SLC25A21: variants seen among roughly 807,000 people sequenced by gnomAD.
SLC25A21 encodes the protein solute carrier family 25 member 21.
A neutral mutation model predicts 43.8 loss-of-function variants in SLC25A21; 47 were observed. The observed-to-expected ratio is 1.07, with a 90% confidence interval of 0.85 to 1.37. The LOEUF (loss-of-function observed/expected upper bound fraction) is 1.37. Among genes scored for constraint, SLC25A21 ranks in the 40% most tolerant of loss-of-function variants. The pLI is 0.00. For synonymous variants in SLC25A21, 131 were observed against 121.3 expected, an observed-to-expected ratio of 1.08 and a Z score of -0.52; for missense variants, 352 against 350.2, an observed-to-expected ratio of 1.00 and a Z score of -0.04.
At chr14:36,695,592 A>C (rs1447557717) in intron 7 of SLC25A21, among the ~76,000 whole-genome samples, 1 of 152,100 alleles carries the variant, frequency 6.6e-6, no homozygotes, top group Non-Finnish European at 1.5e-5. Flanking sequence ...TTCCTTGGGC[A>C]GTGGTTTGTA....
chr14:37,030,890 G>A (rs1961196703), intron 1 of SLC25A21, among the ~76,000 whole-genome samples: 1 of 152,096 alleles, frequency 6.6e-6, no homozygotes, highest in Non-Finnish European at 1.5e-5. Flanking sequence ...GGTGGCCCAA[G>A]GAATCAACCC....
chr14:36,792,887 A>C (rs973335575), intron 3 of SLC25A21, among the ~76,000 whole-genome samples: 2 of 152,058 alleles, frequency 1.3e-5, no homozygotes, highest in Non-Finnish European at 1.5e-5. Flanking sequence ...AGAAAAAATC[A>C]TTTTACAATG....
chr14:37,101,170 A>C (rs1290021354), intron 1 of SLC25A21, among the ~76,000 whole-genome samples: 3 of 152,250 alleles, frequency 2.0e-5, no homozygotes, highest in Non-Finnish European at 4.4e-5. Flanking sequence ...AAACACAATT[A>C]TTAGTTGAGC....
intron 5 of SLC25A21, among the ~76,000 whole-genome samples, chr14:36,727,269 A>G (rs534825011): frequency 6.6e-6 from 1 of 152,240 alleles, no homozygotes; most frequent in Non-Finnish European, 1.5e-5. Context: ...CAGTTTTCTC[A>G]TCTGTAAAAT....
At chr14:37,146,490 G>A (rs1410705571) in intron 1 of SLC25A21, among the ~76,000 whole-genome samples, 1 of 152,124 alleles carries the variant, frequency 6.6e-6, no homozygotes, top group Non-Finnish European at 1.5e-5. Context: ...CAAGAGATCC[G>A]CCTGACTTGG....
At chr14:37,103,475 A>T (rs1299504398) in intron 1 of SLC25A21, among the ~76,000 whole-genome samples, 1 of 152,208 alleles carries the variant, frequency 6.6e-6, no homozygotes, top group African/African-American at 2.4e-5. Flanking sequence ...GCTTTGTATA[A>T]ATGTTACTTC....
In SLC25A21 at chr14:37,125,929, A is replaced by G. The variant is rs983403461; in HGVS notation, c.70+46352T>C. ...ACATTCCTTGCTCATATAAATTAGA[A>G]ACAATTATGCTTTCCACCTGTAGTT... On this transcript the variant is annotated intron_variant, in intron 1 of 9. Transcript: ENST00000331299. Among the ~76,000 whole-genome samples the G allele has an allele frequency of 7.2e-5, 11 of 152,194 alleles. No individual in the cohort carries two copies. The South Asian group carries it at 2.3e-3, about 31-fold the overall frequency.
At chr14:37,121,287 A>G (rs1275623676) in intron 1 of SLC25A21, among the ~76,000 whole-genome samples, 1 of 152,148 alleles carries the variant, frequency 6.6e-6, no homozygotes, top group African/African-American at 2.4e-5. Flanking sequence ...CGATTACATG[A>G]CAGGGCACGA....
At chr14:36,952,034 G>A (rs144744865) in intron 1 of SLC25A21, among the ~76,000 whole-genome samples, 21 of 152,140 alleles carry the variant, frequency 1.4e-4, no homozygotes, top group Non-Finnish European at 2.5e-4. Flanking sequence ...AGAAGTTCAA[G>A]ACCAGCCTGG....
intron 1 of SLC25A21, among the ~76,000 whole-genome samples, chr14:36,969,567 T>C (rs1049082487): frequency 6.6e-6 from 1 of 151,888 alleles, no homozygotes; most frequent in Non-Finnish European, 1.5e-5. Flanking sequence ...TAGAGCACTA[T>C]AGCTTCCAAC....
intron 1 of SLC25A21, among the ~76,000 whole-genome samples, chr14:36,981,477 G>T (rs1216760599): frequency 6.6e-6 from 1 of 152,170 alleles, no homozygotes; most frequent in African/African-American, 2.4e-5. Context: ...AGAAAATGTG[G>T]CACATATACA....
intron 1 of SLC25A21, among the ~76,000 whole-genome samples, chr14:37,092,580 T>C (rs1447616369): frequency 1.3e-5 from 2 of 152,120 alleles, no homozygotes; most frequent in South Asian, 2.1e-4. Flanking sequence ...TATGACTCTG[T>C]CTGGGCTAAT....
chr14:37,005,199 T>TGCAAATGCACACACACACAC (rs141745654), intron 1 of SLC25A21, among the ~76,000 whole-genome samples: 2,167 of 151,864 alleles, frequency 0.014, 44 homozygotes, highest in East Asian at 0.091. Flanking sequence ...CACACACACA[T>TGCAAATGCACACACACACAC]GCAAATGCAC....
At chr14:36,700,638 G>C (rs1201562880) in intron 7 of SLC25A21, among the ~76,000 whole-genome samples, 1 of 152,002 alleles carries the variant, frequency 6.6e-6, no homozygotes, top group Non-Finnish European at 1.5e-5. Flanking sequence ...CAGGCAACAG[G>C]CTCTCACACT....
At chr14:37,086,542 A>C (rs922381046) in intron 1 of SLC25A21, among the ~76,000 whole-genome samples, 1 of 152,144 alleles carries the variant, frequency 6.6e-6, no homozygotes, top group Non-Finnish European at 1.5e-5. Context: ...CAACTACTTA[A>C]CCAAACTAAA....
rs1374731885 is a variant in SLC25A21, at chr14:36,680,263, TTTA to T, written c.*392_*394del. 12 of 958,092 alleles carry T rather than the reference TTTA, an allele frequency of 1.3e-5. No individual in the cohort carries two copies. In the Admixed American group the frequency reaches 7.5e-4, roughly 60 times the overall value. 59.3% of individuals were successfully genotyped at this position (958,092 alleles called of 1,614,324 possible). A position where few individuals can be genotyped will look rare whatever the true frequency, so the allele number is the denominator to read the frequency against. On this transcript the variant is annotated 3_prime_UTR_variant, in exon 10 of 10. Transcript: ENST00000331299. ...TTAATCCAGTCTTTGAATAATTTGA[TTTA>T]TTTTCAATAGTTTAAGCATTTCTAG...
chr14:36,712,714 A>G (rs772757564), intron 6 of SLC25A21, among the ~76,000 whole-genome samples: 2 of 152,212 alleles, frequency 1.3e-5, no homozygotes, highest in Admixed American at 1.3e-4. Flanking sequence ...TAAGCTTAAG[A>G]AAACCCTCCT....
Position 36,679,487 on chromosome 14 carries a change from C to A in SLC25A21, c.*1171G>T. The A allele has an allele frequency of 1.0e-6, 1 of 985,358 alleles. No individual in the cohort carries two copies. The highest frequency in any genetic ancestry group is 1.2e-6 in the Non-Finnish European group (1 of 829,912). The allele number at this position is 985,358 out of a possible 1,614,324, so 61.0% of individuals were successfully genotyped here. ...CTTTCAGTTATTCTTGTTGACTTTA[C>A]TGAATCAGCATCATCTCTGGATGCA... On this transcript the variant is annotated 3_prime_UTR_variant, in exon 10 of 10. Transcript: ENST00000331299.
chr14:36,705,455 A>G (rs1883496494), intron 7 of SLC25A21, among the ~76,000 whole-genome samples: 1 of 152,210 alleles, frequency 6.6e-6, no homozygotes, highest in Admixed American at 6.5e-5. Context: ...TACATTTTTC[A>G]GTGATTTACT....
Sources: allele counts gnomAD v4.1 joint callset (sites outside exome capture counted in the v4.1 genomes callset), GRCh38; gene constraint gnomAD v4.1.1; transcripts MANE v1.5; gene names NCBI Gene and HGNC (gene_info 2026-07-23, HGNC 2026-07-21).